EPHA4: variants seen among roughly 807,000 people sequenced by gnomAD.
EPHA4 encodes ephrin type-A receptor 4.
A neutral mutation model predicts 108.3 loss-of-function variants in EPHA4; 19 were observed. That is an observed-to-expected ratio of 0.18 (90% CI 0.12 to 0.26). The LOEUF is 0.26. EPHA4 is among the 10% of genes least tolerant of loss of function. The pLI, the probability that EPHA4 is intolerant of heterozygous loss-of-function variation, is 1.00. For synonymous variants in EPHA4, 449 were observed against 455.5 expected (o/e 0.99, Z 0.18); for missense variants, 917 against 1,254.0 (o/e 0.73, Z 4.06).
At chr2:221,482,753 G>A (rs1691863232) in intron 4 of EPHA4, 63 bp from the exon 5 acceptor site, 2 of 1,439,052 alleles carry the variant, frequency 1.4e-6, no homozygotes. Flanking sequence ...ATCTCTCAGA[G>A]TTTGTATTAT....
At position 221,501,255 on chromosome 2, in the gene EPHA4, CAGA is replaced by C. The variant is rs1398894710; in HGVS notation, c.824-86_824-84del. On this transcript the variant is annotated intron_variant, in intron 3 of 17. Transcript: ENST00000281821. ...AAAATGCAAAGCCACCTCCTTGTTT[CAGA>C]AGAAGGGAGACGTTCTTGCTAATCA... 3.2e-6 allele frequency: 4 copies of C among 1,254,788 alleles called. No homozygotes were observed. In the African/African-American group the frequency reaches 4.5e-5, roughly 14 times the overall value. The allele number at this position is 1,254,788 out of a possible 1,614,324, so 77.7% of individuals were successfully genotyped here. A position where few individuals can be genotyped will look rare whatever the true frequency, so the allele number is the denominator to read the frequency against.
intron 14 of EPHA4, among the ~76,000 whole-genome samples, chr2:221,433,071 G>A (rs6746801): frequency 0.19 from 28,541 of 151,762 alleles, 4,028 homozygotes; most frequent in African/African-American, 0.4. Context: ...TGATCCACCC[G>A]CCTCGGCCTC....
At chr2:221,481,680 G>A (rs1053876254) in intron 5 of EPHA4, among the ~76,000 whole-genome samples, 1 of 151,952 alleles carries the variant, frequency 6.6e-6, no homozygotes, top group African/African-American at 2.4e-5. Flanking sequence ...AAAAGTAGCT[G>A]CAAAACTATT....
chr2:221,536,904 A>G (rs2952833), intron 3 of EPHA4, among the ~76,000 whole-genome samples: 89,365 of 152,128 alleles, frequency 0.59, 27,492 homozygotes, highest in African/African-American at 0.78. Flanking sequence ...TCACCAAGTC[A>G]TGGTGACACA....
intron 3 of EPHA4, among the ~76,000 whole-genome samples, chr2:221,558,750 A>G (rs1473344845): frequency 6.6e-6 from 1 of 152,144 alleles, no homozygotes; most frequent in East Asian, 1.9e-4. Flanking sequence ...GGTCACACAA[A>G]GAGGAAAAAA....
chr2:221,430,271 G>A, intron 14 of EPHA4, 120 bp from the exon 15 acceptor site: 2 of 989,540 alleles, frequency 2.0e-6, no homozygotes, highest in East Asian at 2.5e-5. Flanking sequence ...CCTGGGAACA[G>A]CTCCAACTCC....
intron 3 of EPHA4, among the ~76,000 whole-genome samples, chr2:221,507,967 A>G (rs1339404862): frequency 1.3e-5 from 2 of 152,168 alleles, no homozygotes; most frequent in Non-Finnish European, 2.9e-5. Flanking sequence ...TAAAAGACCA[A>G]TTGCTGGTCC....
intron 5 of EPHA4, among the ~76,000 whole-genome samples, chr2:221,475,824 G>A (rs113802639): frequency 0.011 from 1,724 of 152,212 alleles, 38 homozygotes; most frequent in African/African-American, 0.039. Flanking sequence ...GCCAATATTC[G>A]TGGGTTGTCC....
chr2:221,470,040 G>T (rs941504201), intron 5 of EPHA4, among the ~76,000 whole-genome samples: 2 of 152,018 alleles, frequency 1.3e-5, no homozygotes, highest in African/African-American at 2.4e-5. Flanking sequence ...TCTTTCTCTT[G>T]TTGCACTTAA....
At chr2:221,469,622 A>T (rs1457195103) in intron 5 of EPHA4, among the ~76,000 whole-genome samples, 4 of 152,158 alleles carry the variant, frequency 2.6e-5, no homozygotes, top group Non-Finnish European at 5.9e-5. Context: ...TATCTCAGTG[A>T]TGGTCCACTG....
At chr2:221,572,493 G>C (rs1694879137), upstream of EPHA4, 3 of 261,858 alleles carry the variant, frequency 1.1e-5, no homozygotes, top group Admixed American at 1.4e-4. Flanking sequence ...GTCTCCCGGG[G>C]CTCTAGGGGG....
intron 4 of EPHA4, among the ~76,000 whole-genome samples, chr2:221,499,715 AAT>A (rs369326575): frequency 0.013 from 647 of 48,420 alleles, 18 homozygotes; most frequent in Middle Eastern, 0.025. Context: ...AACTAAAACT[AAT>A]ATATATATAT....
At position 221,426,085 on chromosome 2, in the gene EPHA4, A is replaced by G. The variant is rs376541020; in HGVS notation, c.2904T>C (p.Ser968=). 1.5e-5 allele frequency: 24 copies of G among 1,614,002 alleles called. No homozygotes were observed. The African/African-American group carries it at 2.3e-4, about 15-fold the overall frequency. ...GCATTTGGGTTCGCATTGCCTGGAC[A>G]CTGCTCAAAATCTTATTCTGGTGCG... ...AITHQNKILS[S]VQAMRTQMQQ... The change falls in exon 17 of 18, where the codon AGT becomes AGC. Residue 968 remains serine, a synonymous_variant. Coordinates refer to ENST00000281821, the MANE Select transcript of EPHA4 (RefSeq NM_004438.5).
At chr2:221,531,533 A>T (rs1693513421) in intron 3 of EPHA4, among the ~76,000 whole-genome samples, 2 of 152,162 alleles carry the variant, frequency 1.3e-5, no homozygotes, top group African/African-American at 4.8e-5. Context: ...ATTGAACAAT[A>T]ACAGAAAGGA....
chr2:221,553,950 C>T (rs549203197), intron 3 of EPHA4, among the ~76,000 whole-genome samples: 1 of 152,334 alleles, frequency 6.6e-6, no homozygotes, highest in Admixed American at 6.5e-5. Context: ...CAGAAAATAT[C>T]TGTAAACGGA....
intron 7 of EPHA4, among the ~76,000 whole-genome samples, chr2:221,456,102 T>G (rs1366018398): frequency 1.3e-5 from 2 of 152,054 alleles, no homozygotes; most frequent in Non-Finnish European, 2.9e-5. Flanking sequence ...CTTAAGCACT[T>G]TAAATTTAGT....
rs547736242 is a variant in EPHA4, at chr2:221,537,696, C to T, written c.823+26035G>A. ...CCCTAGCTACTCAGGAGGCTGAGGCCGGAGGATCATTTGAACCTAAGAGTT... is the reference window on the plus strand; with the variant it reads ...CCCTAGCTACTCAGGAGGCTGAGGCTGGAGGATCATTTGAACCTAAGAGTT... On this transcript the variant is annotated intron_variant, in intron 3 of 17. Transcript: ENST00000281821. 7.2e-5 allele frequency among the ~76,000 whole-genome samples: 11 copies of T among 152,190 alleles called. No homozygotes were observed. In the South Asian group the frequency reaches 2.1e-3, roughly 29 times the overall value.
chr2:221,480,068 G>T (rs1472477164), intron 5 of EPHA4, among the ~76,000 whole-genome samples: 2 of 9,232 alleles, frequency 2.2e-4, no homozygotes, highest in African/African-American at 4.7e-4. Flanking sequence ...CCCCACCCCC[G>T]GAAATGTTTT....
chr2:221,534,433 A>G (rs1252281425), intron 3 of EPHA4, among the ~76,000 whole-genome samples: 2 of 152,190 alleles, frequency 1.3e-5, no homozygotes, highest in Non-Finnish European at 2.9e-5. Context: ...AAGTGCTCCA[A>G]GTTCTAACAC....
Sources: allele counts gnomAD v4.1 joint callset (sites outside exome capture counted in the v4.1 genomes callset), GRCh38; gene constraint gnomAD v4.1.1; transcripts MANE v1.5; gene names NCBI Gene and HGNC (gene_info 2026-07-23, HGNC 2026-07-21).